The following GLI3 variants were observed in gnomAD, a reference collection of about 807,000 sequenced individuals.
GLI3 encodes transcription activator GLI3.
In GLI3, 20 loss-of-function variants were observed where a neutral mutation model predicts 100.8. The ratio of observed to expected loss-of-function variants is 0.20; its 90% CI spans 0.14 to 0.29. GLI3 has a LOEUF of 0.29. Ranked by LOEUF, GLI3 falls within the 10% of genes least tolerant of loss-of-function variation. The probability of loss-of-function intolerance (pLI) is 1.00; values close to 1 mark genes in which losing one functional copy is unlikely to be tolerated. For missense variants in GLI3, 2,040 were observed against 2,128.5 expected (o/e 0.96, Z 0.82); for synonymous variants, 938 against 860.5 (o/e 1.09, Z -1.58).
upstream of GLI3, among the ~76,000 whole-genome samples, chr7:42,238,750 G>C (rs1788888292): frequency 6.6e-6 from 1 of 152,142 alleles, no homozygotes; most frequent in South Asian, 2.1e-4. Context: ...ACTTAAAAAA[G>C]GAGTTCTCGG....
rs1784890585 is a variant in GLI3 at position 42,076,944 on chromosome 7, T to C, written c.368-87A>G. 5 of 788,472 alleles carry C rather than the reference T, an allele frequency of 6.3e-6. No individual in the cohort carries two copies. The South Asian group carries it at 7.1e-5, about 11-fold the overall frequency. The allele number at this position is 788,472 out of a possible 1,614,324, so 48.8% of individuals were successfully genotyped here. ...ACAAAGCAACATTGCTATACTATTGTATCTTCACTACCTACACTTAATCTA... is the reference window on the plus strand; with the variant it reads ...ACAAAGCAACATTGCTATACTATTGCATCTTCACTACCTACACTTAATCTA... On this transcript the variant is annotated intron_variant, in intron 3 of 14. Transcript: ENST00000395925.
chr7:41,999,012 G>A (rs778245003), intron 10 of GLI3, among the ~76,000 whole-genome samples: 1 of 152,142 alleles, frequency 6.6e-6, no homozygotes, highest in Non-Finnish European at 1.5e-5. Context: ...TCCACATTTG[G>A]TATCAAGTGA....
At chr7:42,025,402 G>C in intron 8 of GLI3, 25 bp from the exon 9 acceptor site, 2 of 1,530,872 alleles carry the variant, frequency 1.3e-6, no homozygotes, top group Non-Finnish European at 1.8e-6. Flanking sequence ...TGCAGAGCCA[G>C]AGACAAAAAG....
At chr7:42,166,101 G>C (rs938682898) in intron 2 of GLI3, among the ~76,000 whole-genome samples, 1 of 152,148 alleles carries the variant, frequency 6.6e-6, no homozygotes. Flanking sequence ...TGCCCAGCCT[G>C]AATAGAGGCT....
In GLI3 at chr7:42,188,002, CAAA is replaced by C. The variant is rs56140906; in HGVS notation, c.124+35125_124+35127del. On this transcript the variant is annotated intron_variant, in intron 2 of 14. Coordinates refer to ENST00000395925, the MANE Select transcript of GLI3 (RefSeq NM_000168.6). ...TGGGCGACAGAGTGAGACTCCATCT[CAAA>C]AAAAAAAAAAAAATAGGCCAGCAGA... Among the ~76,000 whole-genome samples the C allele has an allele frequency of 1.2e-3, 104 of 85,284 alleles. 2 individuals carry two copies. The highest frequency in any genetic ancestry group is 4.7e-3 in the African/African-American group (89 of 18,788). 55.9% of individuals were successfully genotyped at this position (85,284 alleles called of 152,430 possible).
intron 10 of GLI3, among the ~76,000 whole-genome samples, chr7:41,990,340 G>C (rs887728514): frequency 1.3e-5 from 2 of 151,992 alleles, no homozygotes; most frequent in African/African-American, 4.8e-5. Context: ...AAGCATATAG[G>C]TATTACTAGT....
intron 10 of GLI3, among the ~76,000 whole-genome samples, chr7:42,019,514 G>C (rs572290913): frequency 2.0e-5 from 3 of 152,232 alleles, no homozygotes; most frequent in South Asian, 4.1e-4. Context: ...ATAAACATAA[G>C]CTAAACCAAA....
At chr7:42,094,800 C>G (rs1785302204) in intron 3 of GLI3, among the ~76,000 whole-genome samples, 1 of 151,982 alleles carries the variant, frequency 6.6e-6, no homozygotes, top group Admixed American at 6.5e-5. Flanking sequence ...CTGCCAGGTA[C>G]CAGGCCCCAC....
chr7:42,245,974 A>C (rs1447198535), intron 1 of GLI3, among the ~76,000 whole-genome samples: 1 of 152,040 alleles, frequency 6.6e-6, no homozygotes, highest in African/African-American at 2.4e-5. Context: ...TTCTTCTCAA[A>C]TAGAAACTGG....
At chr7:41,980,559 T>G (rs1222445585) in intron 10 of GLI3, among the ~76,000 whole-genome samples, 1 of 151,994 alleles carries the variant, frequency 6.6e-6, no homozygotes, top group African/African-American at 2.4e-5. Context: ...AAATAAAGCT[T>G]GGATCCTTGG....
At chr7:42,120,466 G>A (rs1785968994) in intron 3 of GLI3, among the ~76,000 whole-genome samples, 1 of 152,184 alleles carries the variant, frequency 6.6e-6, no homozygotes, top group Non-Finnish European at 1.5e-5. Flanking sequence ...TTTAGGCAGA[G>A]ATTTATAAGT....
intron 2 of GLI3, among the ~76,000 whole-genome samples, chr7:42,162,855 C>T (rs146666470): frequency 6.6e-6 from 1 of 152,086 alleles, no homozygotes; most frequent in Non-Finnish European, 1.5e-5. Context: ...AGTAGCTCGG[C>T]CTTACAAAGC....
At chr7:42,061,541 G>T (rs1562709525) in intron 4 of GLI3, among the ~76,000 whole-genome samples, 1 of 151,990 alleles carries the variant, frequency 6.6e-6, no homozygotes, top group Non-Finnish European at 1.5e-5. Flanking sequence ...AATCTTCAAG[G>T]TTTGCTAGGG....
intron 4 of GLI3, among the ~76,000 whole-genome samples, chr7:42,071,475 G>A (rs541667948): frequency 3.2e-4 from 49 of 152,128 alleles, no homozygotes; most frequent in African/African-American, 1.0e-3. Flanking sequence ...AGAATGCAAC[G>A]AATGAAATCA....
At chr7:42,255,343 C>A (rs1162238137) in intron 1 of GLI3, among the ~76,000 whole-genome samples, 6 of 152,114 alleles carry the variant, frequency 3.9e-5, no homozygotes, top group Non-Finnish European at 8.8e-5. Context: ...AATTTGCATT[C>A]CATGAAATTT....
chr7:42,073,993 G>A (rs929402886), intron 4 of GLI3, among the ~76,000 whole-genome samples: 2 of 152,136 alleles, frequency 1.3e-5, no homozygotes, highest in African/African-American at 4.8e-5. Flanking sequence ...GCCTCGATTA[G>A]CCTCCACTTT....
At chr7:41,990,163 TAAG>T (rs1187440693) in intron 10 of GLI3, among the ~76,000 whole-genome samples, 5 of 151,264 alleles carry the variant, frequency 3.3e-5, no homozygotes, top group African/African-American at 7.3e-5. Flanking sequence ...TGACTATCCC[TAAG>T]AAGAACAGAG....
chr7:42,137,820 GT>G (rs1379069544), intron 3 of GLI3, among the ~76,000 whole-genome samples: 2 of 152,172 alleles, frequency 1.3e-5, no homozygotes, highest in African/African-American at 4.8e-5. Context: ...GCATAAAATT[GT>G]TTTAAAATAC....
At chr7:42,216,154 C>T (rs1283148630) in intron 2 of GLI3, among the ~76,000 whole-genome samples, 1 of 152,188 alleles carries the variant, frequency 6.6e-6, no homozygotes, top group Non-Finnish European at 1.5e-5. Context: ...AACTGCACAA[C>T]ACTAATGCTG....
Sources: allele counts gnomAD v4.1 joint callset (sites outside exome capture counted in the v4.1 genomes callset), GRCh38; gene constraint gnomAD v4.1.1; transcripts MANE v1.5; gene names NCBI Gene and HGNC (gene_info 2026-07-23, HGNC 2026-07-21).